Variants in FRG1 observed in about 807,000 individuals in gnomAD.
FRG1 encodes the protein protein FRG1.
In FRG1, 19 loss-of-function variants were observed where a neutral mutation model predicts 37.0. The observed-to-expected ratio is 0.51, with a 90% CI of 0.36 to 0.75. FRG1 has a LOEUF of 0.75. Among genes scored for constraint, FRG1 ranks in the 30% least tolerant of loss-of-function variants. The pLI is 0.00. For synonymous variants in FRG1, 73 were observed against 96.5 expected (o/e 0.76, Z 1.43); for missense variants, 243 against 301.4 (o/e 0.81, Z 1.44).
Position 189,943,200 on chromosome 4 carries a change from A to G in FRG1, c.63-2A>G, listed in dbSNP as rs1202534505. ...CTCGTCTATATAAATTATGTCCTGT[A>G]GTAAGAAGAAAAAGAGCAAAGATAA... On this transcript the variant is annotated splice_acceptor_variant, in intron 1 of 8. Coordinates refer to ENST00000226798, the MANE Select transcript of FRG1 (RefSeq NM_004477.3). LOFTEE classifies it high-confidence loss of function. 1.9e-6 allele frequency: 3 copies of G among 1,583,588 alleles called. No homozygotes were observed. The highest frequency in any genetic ancestry group is 2.7e-5 in the African/African-American group (2 of 73,882).
At chr4:189,951,250 G>A (rs1352036699) in intron 2 of FRG1, among the ~76,000 whole-genome samples, 1 of 152,088 alleles carries the variant, frequency 6.6e-6, no homozygotes, top group East Asian at 1.9e-4. Context: ...AGCACTTTGG[G>A]AGGCAGAGGC....
Position 189,941,051 on chromosome 4 carries a change from C to T in FRG1, c.42C>T (p.Leu14=), listed in dbSNP as rs779192534. 1.9e-6 allele frequency: 3 copies of T among 1,614,110 alleles called. No individual in the cohort carries two copies. The East Asian group carries it at 6.7e-5, about 36-fold the overall frequency. Reference sequence around the variant, plus strand: ...ACGTGAAGTCTACCAAGCTCGTGCTCAAGGGAACCAAGACGAAGAGGTGGG... The same window carrying T: ...ACGTGAAGTCTACCAAGCTCGTGCTTAAGGGAACCAAGACGAAGAGGTGGG... ...YSYVKSTKLV[L]KGTKTKSKKK... is the part of the protein sequence containing the mutation. The change falls in exon 1 of 9, where the codon CTC becomes CTT. Residue 14 remains leucine, a synonymous_variant. Transcript: ENST00000226798.
intron 6 of FRG1, 89 bp from the exon 7 acceptor site, chr4:189,960,659 A>G: frequency 3.4e-6 from 4 of 1,172,774 alleles, no homozygotes; most frequent in South Asian, 1.6e-5. Context: ...TGCATAAGAA[A>G]TCATCTCGAA....
At chr4:189,962,425 T>C (rs1053673447) in intron 8 of FRG1, among the ~76,000 whole-genome samples, 4 of 152,178 alleles carry the variant, frequency 2.6e-5, no homozygotes, top group African/African-American at 9.7e-5. Flanking sequence ...GGTAGATAAG[T>C]AATGTCCTAG....
Position 189,943,280 on chromosome 4 carries a change from A to C in FRG1, c.133+8A>C. The C allele has an allele frequency of 6.2e-7, 1 of 1,604,372 alleles. No individual in the cohort carries two copies. Among genetic ancestry groups the C allele is most frequent in the Non-Finnish European group, 8.5e-7 (1 of 1,176,952 alleles). On this transcript the variant is annotated splice_region_variant and intron_variant, in intron 2 of 8. Transcript: ENST00000226798. ...CCCAGCTTGATATTGTTGGTGAGTC[A>C]GTTTTCAGTGCTCTATTCTGAAAAA...
chr4:189,942,563 T>C lies in FRG1; in HGVS notation c.63-639T>C, dbSNP rs564648355. On this transcript the variant is annotated intron_variant, in intron 1 of 8. Coordinates refer to ENST00000226798, the MANE Select transcript of FRG1 (RefSeq NM_004477.3). ...TGTTCCTTTTTATGGCTGCATAGTA[T>C]TCCATTGTATGGATGTATCATTTTG... 1.2e-4 allele frequency among the ~76,000 whole-genome samples: 19 copies of C among 152,368 alleles called. No homozygotes were observed. The South Asian group carries it at 3.7e-3, about 30-fold the overall frequency.
intron 4 of FRG1, among the ~76,000 whole-genome samples, chr4:189,954,706 TG>T (rs1474514529): frequency 6.6e-6 from 1 of 151,676 alleles, no homozygotes; most frequent in Non-Finnish European, 1.5e-5. Flanking sequence ...GCAATCCTCC[TG>T]CGTCAGCCTC....
At position 189,953,102 on chromosome 4, in the gene FRG1, G is replaced by A. The variant is rs755606402; in HGVS notation, c.294G>A (p.Thr98=). 17 of 1,587,440 alleles carry A rather than the reference G, an allele frequency of 1.1e-5. No individual in the cohort carries two copies. Among genetic ancestry groups the A allele is most frequent in the Middle Eastern group, 2.3e-4 (1 of 4,364 alleles). The change falls in exon 4 of 9, where the codon ACG becomes ACA. Residue 98 remains threonine, a synonymous_variant. Transcript: ENST00000226798. ...GCCCTAGTCCTCCAGAGCAGTTTAC[G>A]GCTGTCAAATTATCTGATTCCAGGT... ...DEGPSPPEQF[T]AVKLSDSRIA...
intron 2 of FRG1, among the ~76,000 whole-genome samples, chr4:189,945,096 T>C (rs78039809): frequency 2.6e-5 from 4 of 152,246 alleles, no homozygotes; most frequent in African/African-American, 9.6e-5. Context: ...TATGTAGATA[T>C]ACAATTGATT....
chr4:189,940,981 G>C lies in FRG1; in HGVS notation c.-29G>C. 6.2e-7 allele frequency: 1 copy of C among 1,602,650 alleles called. No individual in the cohort carries two copies. The highest frequency in any genetic ancestry group is 8.5e-7 in the Non-Finnish European group (1 of 1,170,778). On this transcript the variant is annotated 5_prime_UTR_variant, in exon 1 of 9. Transcript: ENST00000226798. ...ACATACTCGTCCAGAACCGGCCTCA[G>C]CCTCTCCGCGCAGAAGTTTCCCGGA...
At position 189,953,244 on chromosome 4, in the gene FRG1, A is replaced by T. The variant is rs1476979104; in HGVS notation, c.317+119A>T. On this transcript the variant is annotated intron_variant, in intron 4 of 8. Coordinates refer to ENST00000226798, the MANE Select transcript of FRG1 (RefSeq NM_004477.3). ...GTAATTTTGATGTAAAAAACAAAAT[A>T]GCTTTTTTGAAAAGTAGATTTTGTG... 5.1e-6 allele frequency: 7 copies of T among 1,365,858 alleles called. No homozygotes were observed. The East Asian group carries it at 1.3e-4, about 26-fold the overall frequency. 84.6% of individuals were successfully genotyped at this position (1,365,858 alleles called of 1,614,324 possible).
At chr4:189,952,360 A>G (rs1313001506) in intron 3 of FRG1, 73 bp downstream of exon 3, 11 of 1,353,786 alleles carry the variant, frequency 8.1e-6, no homozygotes, top group Non-Finnish European at 1.1e-5. Flanking sequence ...GCCAAACTCT[A>G]ACTAGTCTCA....
chr4:189,952,011 G>A (rs1736774503), intron 2 of FRG1, 151 bp from the exon 3 acceptor site: 3 of 540,284 alleles, frequency 5.6e-6, no homozygotes, highest in South Asian at 3.1e-5. Flanking sequence ...AGATTTAATC[G>A]AGACAAAGTG....
At position 189,947,031 on chromosome 4, in the gene FRG1, T is replaced by C. The variant is rs1276943432; in HGVS notation, c.133+3759T>C. 2.0e-5 allele frequency among the ~76,000 whole-genome samples: 3 copies of C among 152,194 alleles called. No individual in the cohort carries two copies. In the South Asian group the frequency reaches 6.2e-4, roughly 32 times the overall value. On this transcript the variant is annotated intron_variant, in intron 2 of 8. Transcript: ENST00000226798. ...CCACACCCGGCTAATTTTTTAAATATTTTTAGTAGAGACAGGGTTTCACCA... is the reference window on the plus strand; with the variant it reads ...CCACACCCGGCTAATTTTTTAAATACTTTTAGTAGAGACAGGGTTTCACCA...
intron 6 of FRG1, among the ~76,000 whole-genome samples, chr4:189,959,652 A>G (rs1048128062): frequency 6.6e-6 from 1 of 152,254 alleles, no homozygotes; most frequent in Non-Finnish European, 1.5e-5. Flanking sequence ...GAAGGCAACA[A>G]TTGCAAATAT....
intron 1 of FRG1, among the ~76,000 whole-genome samples, chr4:189,942,405 G>A (rs1315444256): frequency 6.6e-6 from 1 of 151,980 alleles, no homozygotes; most frequent in Non-Finnish European, 1.5e-5. Flanking sequence ...CTAGTCCTTG[G>A]CAACCACTAA....
chr4:189,946,440 C>T (rs1263005844), intron 2 of FRG1, among the ~76,000 whole-genome samples: 1 of 151,808 alleles, frequency 6.6e-6, no homozygotes, highest in Non-Finnish European at 1.5e-5. Flanking sequence ...TTCAATATTA[C>T]TTATTTTCTC....
chr4:189,961,863 G>A lies in FRG1; in HGVS notation c.671G>A (p.Ser224Asn), dbSNP rs1296533233. The A allele has an allele frequency of 2.5e-6, 4 of 1,596,446 alleles. No individual in the cohort carries two copies. Among genetic ancestry groups the A allele is most frequent in the East Asian group, 4.5e-5 (2 of 44,390 alleles). Residue 224 changes from serine to asparagine, a missense_variant, in exon 8 of 9, where the codon AGT becomes AAT. Physicochemically the swap from Ser to Asn is conservative, Grantham distance 46. Coordinates refer to ENST00000226798, the MANE Select transcript of FRG1 (RefSeq NM_004477.3). ...QSFQDHKLKI[S>N]KEDSKILKKA... The stretch of plus-strand genomic sequence containing the variant: ...TTCCAAGACCACAAACTTAAAATAA[G>A]TAAAGAAGACAGTAAAATTCTTAAA...
chr4:189,941,499 A>G (rs929535115), intron 1 of FRG1, among the ~76,000 whole-genome samples: 34 of 152,192 alleles, frequency 2.2e-4, no homozygotes, highest in African/African-American at 7.5e-4. Flanking sequence ...ACCAGGATGA[A>G]TCACACAGTG....
Sources: gnomAD v4.1 joint callset for allele counts (sites outside exome capture counted in the v4.1 genomes callset) on GRCh38, gnomAD v4.1.1 for gene constraint, MANE v1.5 for transcripts, NCBI Gene and HGNC (gene_info 2026-07-23, HGNC 2026-07-21) for gene names.